Variants in SLC38A3 observed in about 807,000 individuals in gnomAD.
SLC38A3 encodes sodium-coupled neutral amino acid transporter 3.
A neutral mutation model predicts 59.5 loss-of-function variants in SLC38A3; 17 were observed. The ratio of observed to expected loss-of-function variants is 0.29; its 90% CI spans 0.20 to 0.43. The LOEUF (loss-of-function observed/expected upper bound fraction) is 0.43, where lower values mean the gene tolerates loss of function less well. Ranked by LOEUF, SLC38A3 falls within the 20% of genes least tolerant of loss-of-function variation. The pLI, the probability that SLC38A3 is intolerant of heterozygous loss-of-function variation, is 1.00. For missense variants in SLC38A3, 454 were observed against 653.9 expected, an observed-to-expected ratio of 0.69 and a Z score of 3.33; for synonymous variants, 238 against 260.3, an observed-to-expected ratio of 0.91 and a Z score of 0.82.
At chr3:50,212,783 G>A (rs546381154) in intron 1 of SLC38A3, among the ~76,000 whole-genome samples, 1 of 152,194 alleles carries the variant, frequency 6.6e-6, no homozygotes, top group Non-Finnish European at 1.5e-5. Flanking sequence ...TGAGTGCTAC[G>A]TTTGAGTTCC....
Position 50,217,504 on chromosome 3 carries a change from C to A in SLC38A3, c.690+31C>A. On this transcript the variant is annotated intron_variant, in intron 9 of 15. Transcript: ENST00000614032. The surrounding 1 kb of genome is among the most constrained non-coding windows in gnomAD (Gnocchi z 4.9). ...TCACCCTCCATGTTGGCTGAGAAAG[C>A]GGGCAGCGGGTCTCCTGGGGGAGTT... 1.2e-6 allele frequency: 2 copies of A among 1,607,316 alleles called. No individual in the cohort carries two copies. Among genetic ancestry groups the A allele is most frequent in the South Asian group, 1.1e-5 (1 of 90,278 alleles).
At position 50,215,683 on chromosome 3, in the gene SLC38A3, G is replaced by T; in HGVS notation, c.466+47G>T. On this transcript the variant is annotated intron_variant, in intron 6 of 15. Coordinates refer to ENST00000614032, the MANE Select transcript of SLC38A3 (RefSeq NM_006841.6). The surrounding 1 kb of genome is among the most constrained non-coding windows in gnomAD (Gnocchi z 7.1). ...AGGCAGTAGGGAGGTGGACAGCCCT[G>T]AAAGCTGGCTGGTTGGGCTGACCTC... The T allele has an allele frequency of 6.2e-7, 1 of 1,610,326 alleles. No homozygotes were observed. Among genetic ancestry groups the T allele is most frequent in the East Asian group, 2.2e-5 (1 of 44,844 alleles).
At position 50,215,346 on chromosome 3, in the gene SLC38A3, C is replaced by A; in HGVS notation, c.300-40C>A. ...CCCTCTGCCAGCCACGGTAGCCCCCCAGTGGCCTCTTTTTCTTCCATCTTC... is the reference window on the plus strand; with the variant it reads ...CCCTCTGCCAGCCACGGTAGCCCCCAAGTGGCCTCTTTTTCTTCCATCTTC... On this transcript the variant is annotated intron_variant, in intron 4 of 15. Coordinates refer to ENST00000614032, the MANE Select transcript of SLC38A3 (RefSeq NM_006841.6). This position sits in a 1 kb window ranked among gnomAD's most constrained non-coding sequence, Gnocchi z 7.1. The A allele has an allele frequency of 6.3e-7, 1 of 1,593,602 alleles. No homozygotes were observed. The highest frequency in any genetic ancestry group is 8.6e-7 in the Non-Finnish European group (1 of 1,161,518).
Position 50,214,682 on chromosome 3 carries a change from A to C in SLC38A3, c.213A>C (p.Ser71=), listed in dbSNP as rs767840163. The change falls in exon 4 of 16, where the codon TCA becomes TCC. Residue 71 remains serine, a synonymous_variant. Transcript: ENST00000614032. The surrounding 1 kb of genome is among the most constrained non-coding windows in gnomAD (Gnocchi z 6.0). ...DFEGKTSFGM[S]VFNLSNAIMG... is the part of the protein sequence containing the mutation. ...AGGGGAAGACATCATTCGGGATGTC[A>C]GTGTTCAACCTCAGCAATGCCATCA... 1 of 1,613,332 alleles carries C rather than the reference A, an allele frequency of 6.2e-7. No homozygotes were observed. The highest frequency in any genetic ancestry group is 2.2e-5 in the East Asian group (1 of 44,876).
chr3:50,205,485 G>C (rs1047957859), intron 1 of SLC38A3, 137 bp downstream of exon 1: 5 of 152,492 alleles, frequency 3.3e-5, no homozygotes, highest in Admixed American at 2.6e-4. Flanking sequence ...CCCAGCCTCC[G>C]GCGAGCCAAA....
At chr3:50,219,817 C>T in intron 14 of SLC38A3, 64 bp from the exon 15 acceptor site, 1 of 1,348,922 alleles carries the variant, frequency 7.4e-7, no homozygotes, top group East Asian at 2.5e-5. Context: ...TTGAAGAGTC[C>T]ACCCCCGAAC....
chr3:50,220,347 ACCAAGGCCCTTGGGCCACTAC>A lies in SLC38A3; in HGVS notation c.*173_*193del. 1.6e-6 allele frequency: 1 copy of A among 621,826 alleles called. No homozygotes were observed. The highest frequency in any genetic ancestry group is 2.8e-6 in the Non-Finnish European group (1 of 352,546). 38.5% of individuals were successfully genotyped at this position (621,826 alleles called of 1,614,324 possible). ...GGAAGGTTTTTGTTCAAGAGCCAGG[ACCAAGGCCCTTGGGCCACTAC>A]CCTGCTAGGCTCTGGAGCTGTAGAG... On this transcript the variant is annotated 3_prime_UTR_variant, in exon 16 of 16. Coordinates refer to ENST00000614032, the MANE Select transcript of SLC38A3 (RefSeq NM_006841.6).
chr3:50,215,560 G>A lies in SLC38A3; in HGVS notation c.390G>A (p.Glu130=), dbSNP rs1447617464. The A allele has an allele frequency of 6.2e-7, 1 of 1,613,872 alleles. No homozygotes were observed. The highest frequency in any genetic ancestry group is 8.5e-7 in the Non-Finnish European group (1 of 1,179,874). ...CTCCTGCAGGCATCCGTGCCTATGA[G>A]CAGCTGGGCTACCGTGCCTTTGGGA... ...SSGVVGIRAY[E]QLGYRAFGTP... is the part of the protein sequence containing the mutation. Residue 130 remains glutamate, a synonymous_variant, in exon 6 of 16, where the codon GAG becomes GAA. Transcript: ENST00000614032. This position sits in a 1 kb window ranked among gnomAD's most constrained non-coding sequence, Gnocchi z 7.1.
In SLC38A3 at chr3:50,215,847, GGGA is replaced by G. The variant is rs762859951; in HGVS notation, c.548+29_548+31del. The G allele has an allele frequency of 7.3e-7, 1 of 1,365,480 alleles. No individual in the cohort carries two copies. Among genetic ancestry groups the G allele is most frequent in the South Asian group, 1.2e-5 (1 of 80,112 alleles). 84.6% of individuals were successfully genotyped at this position (1,365,480 alleles called of 1,614,324 possible). A position where few individuals can be genotyped will look rare whatever the true frequency, so the allele number is the denominator to read the frequency against. On this transcript the variant is annotated intron_variant, in intron 7 of 15. Transcript: ENST00000614032. This position sits in a 1 kb window ranked among gnomAD's most constrained non-coding sequence, Gnocchi z 7.1. ...GTGAGCCCTGGCGTGGGGAGGGGAG[GGGA>G]GGGGTGCGGTGCAGTGAGGAGGGGT...
At position 50,218,320 on chromosome 3, in the gene SLC38A3, T is replaced by C; in HGVS notation, c.986T>C (p.Met329Thr). 2 of 1,613,720 alleles carry C rather than the reference T, an allele frequency of 1.2e-6. No individual in the cohort carries two copies. ...ATCTCCAACCTGTCCATCGCTGTCA[T>C]GTACATCATGTACTTCCTGGCTGCC... ...QHISNLSIAV[M>T]YIMYFLAALF... Residue 329 changes from methionine to threonine, a missense_variant, in exon 12 of 16, where the codon ATG (methionine) becomes ACG (threonine). Met to Thr is a moderately conservative substitution (Grantham distance 81, BLOSUM62 -1). Around this residue, in one of 3 missense-constraint regions of SLC38A3, gnomAD observed 390 missense variants for 557.9 expected, o/e 0.70. Transcript: ENST00000614032. This position sits in a 1 kb window ranked among gnomAD's most constrained non-coding sequence, Gnocchi z 5.8.
Position 50,214,775 on chromosome 3 carries a change from G to T in SLC38A3, c.299+7G>T. 6.3e-7 allele frequency: 1 copy of T among 1,575,608 alleles called. No homozygotes were observed. Among genetic ancestry groups the T allele is most frequent in the Non-Finnish European group, 8.7e-7 (1 of 1,149,670 alleles). ...CGGGCATTATCCTTTTCCTGTGAGT[G>T]CCCTCAGAGAAACTTCTAAAGATAG... On this transcript the variant is annotated splice_region_variant and intron_variant, in intron 4 of 15. Coordinates refer to ENST00000614032, the MANE Select transcript of SLC38A3 (RefSeq NM_006841.6). The surrounding 1 kb of genome is among the most constrained non-coding windows in gnomAD (Gnocchi z 6.0).
intron 1 of SLC38A3, among the ~76,000 whole-genome samples, chr3:50,210,581 C>G (rs1018473529): frequency 6.6e-6 from 1 of 152,216 alleles, no homozygotes; most frequent in African/African-American, 2.4e-5. Flanking sequence ...GGGCAGAGAG[C>G]TGTGCTTCCT....
rs765148889 is a variant in SLC38A3 at position 50,211,568 on chromosome 3, C to CTTT, written c.-51-2556_-51-2554dup. ...GGAAGTCTTCCTTGATGCCCCCATC[C>CTTT]TTTTTTTTTTTTTTTTTTTTTTTTT... On this transcript the variant is annotated intron_variant, in intron 1 of 15. Transcript: ENST00000614032. 2.3e-3 allele frequency among the ~76,000 whole-genome samples: 185 copies of CTTT among 81,206 alleles called. 43 individuals carry two copies. In the East Asian group the frequency reaches 0.062, roughly 27 times the overall value. 53.3% of individuals were successfully genotyped at this position (81,206 alleles called of 152,430 possible). A position where few individuals can be genotyped will look rare whatever the true frequency, so the allele number is the denominator to read the frequency against.
chr3:50,212,308 G>A (rs959730233), intron 1 of SLC38A3, among the ~76,000 whole-genome samples: 1 of 152,192 alleles, frequency 6.6e-6, no homozygotes, highest in Non-Finnish European at 1.5e-5. Context: ...CCAGGGCAGG[G>A]GGCCGAGAGA....
intron 1 of SLC38A3, among the ~76,000 whole-genome samples, chr3:50,209,821 C>G (rs974420906): frequency 6.6e-6 from 1 of 152,092 alleles, no homozygotes; most frequent in African/African-American, 2.4e-5. Context: ...TTAACATGGC[C>G]GGTAGTTCAG....
intron 14 of SLC38A3, 59 bp from the exon 15 acceptor site, chr3:50,219,822 C>T (rs1205472330): frequency 2.1e-6 from 3 of 1,425,314 alleles, no homozygotes; most frequent in East Asian, 2.4e-5. Flanking sequence ...GAGTCCACCC[C>T]CGAACCTTAG....
At chr3:50,211,061 G>C (rs1441283790) in intron 1 of SLC38A3, among the ~76,000 whole-genome samples, 1 of 152,198 alleles carries the variant, frequency 6.6e-6, no homozygotes, top group Non-Finnish European at 1.5e-5. Context: ...TGGCCACACA[G>C]TGAGGCAGGG....
At position 50,217,307 on chromosome 3, in the gene SLC38A3, G is replaced by C; in HGVS notation, c.618G>C (p.Leu206=). Residue 206 remains leucine, a synonymous_variant, in exon 8 of 16, where the codon CTG becomes CTC. Coordinates refer to ENST00000614032, the MANE Select transcript of SLC38A3 (RefSeq NM_006841.6). This position sits in a 1 kb window ranked among gnomAD's most constrained non-coding sequence, Gnocchi z 4.9. The part of the protein sequence containing the change: ...VSVTIILPLA[L]MRQLGYLGYS... ...TCACCATCATTCTGCCCCTGGCACT[G>C]ATGCGGCAGCTTGGTGAGTGTGGAA... The C allele has an allele frequency of 1.2e-6, 2 of 1,613,624 alleles. No homozygotes were observed. Among genetic ancestry groups the C allele is most frequent in the East Asian group, 2.2e-5 (1 of 44,874 alleles).
Position 50,215,195 on chromosome 3 carries a change from G to A in SLC38A3, c.300-191G>A, listed in dbSNP as rs879112861. 4.1e-5 allele frequency: 25 copies of A among 606,500 alleles called. No homozygotes were observed. Among genetic ancestry groups the A allele is most frequent in the Admixed American group, 4.0e-4 (14 of 34,876 alleles). 37.6% of individuals were successfully genotyped at this position (606,500 alleles called of 1,614,324 possible). On this transcript the variant is annotated intron_variant, in intron 4 of 15. Coordinates refer to ENST00000614032, the MANE Select transcript of SLC38A3 (RefSeq NM_006841.6). The surrounding 1 kb of genome is among the most constrained non-coding windows in gnomAD (Gnocchi z 7.1). ...CAGAGGGCCCCTTCTGGGGTGTGTC[G>A]CACCCTGGATCAAAGGGGGTGGTGT...
Sources: gnomAD v4.1 joint callset for allele counts (sites outside exome capture counted in the v4.1 genomes callset) on GRCh38, gnomAD v4.1.1 for gene constraint, gnomAD v4.1.1 regional missense constraint, Gnocchi (gnomAD v3.1) non-coding constraint, MANE v1.5 for transcripts, NCBI Gene and HGNC (gene_info 2026-07-23, HGNC 2026-07-21) for gene names.